Variants in ADH6 observed in about 807,000 individuals in gnomAD.
ADH6 encodes alcohol dehydrogenase 6 (class V).
ADH6 carries 34 observed loss-of-function variants against 36.5 expected under a neutral mutation model. The ratio of observed to expected loss-of-function variants is 0.93; its 90% CI spans 0.71 to 1.24. The LOEUF (loss-of-function observed/expected upper bound fraction) is 1.24. ADH6 is among the 50% of genes most tolerant of loss of function. The pLI, the probability that ADH6 is intolerant of heterozygous loss-of-function variation, is 0.00. For synonymous variants in ADH6, 161 were observed against 155.5 expected, an observed-to-expected ratio of 1.04 and a Z score of -0.26; for missense variants, 440 against 447.0, an observed-to-expected ratio of 0.98 and a Z score of 0.14.
rs1731418778 is a variant in ADH6 at position 99,216,205 on chromosome 4, C to T, written c.76G>A (p.Glu26Lys). The change falls in exon 2 of 9, where the codon GAG becomes AAG. Residue 26 changes from glutamate to lysine, a missense_variant. Physicochemically the swap from Glu to Lys is moderately conservative, Grantham distance 56. Coordinates refer to ENST00000394899, the MANE Select transcript of ADH6 (RefSeq NM_001102470.2). ...GCCTTTGGTGGGGCCACTTCTACCTCTTCAATAGAAAATGGTGCACCAGGC... is the reference window on the plus strand; with the variant it reads ...GCCTTTGGTGGGGCCACTTCTACCTTTTCAATAGAAAATGGTGCACCAGGC... ...WKPGAPFSIE[E>K]VEVAPPKAKE... 2 of 1,553,106 alleles carry T rather than the reference C, an allele frequency of 1.3e-6. No homozygotes were observed. The highest frequency in any genetic ancestry group is 1.5e-5 in the African/African-American group (1 of 67,718).
chr4:99,205,120 G>T, intron 7 of ADH6, 57 bp from the exon 8 acceptor site: 1 of 1,483,774 alleles, frequency 6.7e-7, no homozygotes, highest in Non-Finnish European at 8.9e-7. Flanking sequence ...TAAAGGAAAG[G>T]TCATTCAAAG....
rs1029766434 is a variant in ADH6 at position 99,203,770 on chromosome 4, TAACTTGATTCAGGTTA to T, written c.*433_*448del. 6.5e-6 allele frequency: 1 copy of T among 154,162 alleles called. No homozygotes were observed. Among genetic ancestry groups the T allele is most frequent in the African/African-American group, 2.4e-5 (1 of 41,518 alleles). The allele number at this position is 154,162 out of a possible 1,614,324, so 9.5% of individuals were successfully genotyped here. On this transcript the variant is annotated 3_prime_UTR_variant, in exon 9 of 9. Coordinates refer to ENST00000394899, the MANE Select transcript of ADH6 (RefSeq NM_001102470.2). ...GATAAGTGAGCATTTGAGACTGGGT[TAACTTGATTCAGGTTA>T]ACCTGAATCTTCAATAAACTCATTA...
chr4:99,209,271 A>G (rs1731141724), intron 5 of ADH6, among the ~76,000 whole-genome samples: 1 of 151,822 alleles, frequency 6.6e-6, no homozygotes, highest in African/African-American at 2.4e-5. Context: ...AATTATCTCT[A>G]TCTTCCTACA....
In ADH6 at chr4:99,208,919, C is replaced by T. The variant is rs760434100; in HGVS notation, c.577G>A (p.Gly193Ser). 6.2e-7 allele frequency: 1 copy of T among 1,612,964 alleles called. No individual in the cohort carries two copies. The highest frequency in any genetic ancestry group is 8.5e-7 in the Non-Finnish European group (1 of 1,179,452). Residue 193 changes from glycine to serine, a missense_variant, in exon 6 of 9, where the codon GGT becomes AGT. Transcript: ENST00000394899. ...AAINTAKVTP[G>S]STCAVFGLGG... ...AGGCCAAACACAGCACAGGTAGAAC[C>T]TGGAGTCACCTAAACACATACAGGC...
Position 99,210,305 on chromosome 4 carries a change from T to A in ADH6, c.351-7A>T, listed in dbSNP as rs200474622. The stretch of plus-strand genomic sequence containing the variant: ...CAGTTGGGTTTTTGACTGTCTTTTA[T>A]AGACAAAACAAAAAACAAAACACAA... On this transcript the variant is annotated splice_region_variant and splice_polypyrimidine_tract_variant and intron_variant, in intron 4 of 8. Coordinates refer to ENST00000394899, the MANE Select transcript of ADH6 (RefSeq NM_001102470.2). The A allele has an allele frequency of 1.4e-4, 219 of 1,610,266 alleles. No homozygotes were observed. The highest frequency in any genetic ancestry group is 1.8e-4 in the Non-Finnish European group (213 of 1,177,114).
At chr4:99,211,352 T>A (rs1731220030) in intron 3 of ADH6, among the ~76,000 whole-genome samples, 1 of 152,150 alleles carries the variant, frequency 6.6e-6, no homozygotes, top group South Asian at 2.1e-4. Context: ...CCTAGCTTTT[T>A]TACTTAACAC....
In ADH6 at chr4:99,202,866, AG is replaced by A. The variant is rs1730904919; in HGVS notation, c.*1352del. 2.5e-6 allele frequency: 1 copy of A among 397,432 alleles called. No individual in the cohort carries two copies. Among genetic ancestry groups the A allele is most frequent in the African/African-American group, 2.1e-5 (1 of 48,534 alleles). 24.6% of individuals were successfully genotyped at this position (397,432 alleles called of 1,614,324 possible). ...CTCCAGCTCAGACTTGGGAAGATGGAGAAGAGCCATCCCAAGTCCAGAGTGA... is the reference window on the plus strand; with the variant it reads ...CTCCAGCTCAGACTTGGGAAGATGGAAAGAGCCATCCCAAGTCCAGAGTGA... On this transcript the variant is annotated 3_prime_UTR_variant, in exon 9 of 9. Coordinates refer to ENST00000394899, the MANE Select transcript of ADH6 (RefSeq NM_001102470.2).
intron 2 of ADH6, 76 bp from the exon 3 acceptor site, chr4:99,213,823 T>G: frequency 7.7e-7 from 1 of 1,302,176 alleles, no homozygotes; most frequent in Non-Finnish European, 1.0e-6. Context: ...ACTGTAAGGC[T>G]TTTTGCTAGT....
At chr4:99,208,104 G>A (rs1731101198) in intron 6 of ADH6, among the ~76,000 whole-genome samples, 1 of 152,078 alleles carries the variant, frequency 6.6e-6, no homozygotes, top group South Asian at 2.1e-4. Flanking sequence ...TTTATGCTGG[G>A]AAAAGGGCCC....
chr4:99,204,570 C>A, intron 8 of ADH6: 2 of 1,196,276 alleles, frequency 1.7e-6, no homozygotes, highest in Middle Eastern at 3.3e-4. Flanking sequence ...ACAACAAATA[C>A]AACAATGGCC....
intron 7 of ADH6, among the ~76,000 whole-genome samples, chr4:99,206,410 T>G (rs980861679): frequency 3.9e-5 from 6 of 152,104 alleles, no homozygotes; most frequent in Non-Finnish European, 8.8e-5. Flanking sequence ...GTAATCTTAT[T>G]TTTATAAGAC....
chr4:99,218,690 C>T (rs558759343), intron 1 of ADH6, among the ~76,000 whole-genome samples: 1 of 152,240 alleles, frequency 6.6e-6, no homozygotes, highest in African/African-American at 2.4e-5. Context: ...GTTTTATCTG[C>T]CTGCACACAC....
intron 1 of ADH6, 75 bp downstream of exon 1, chr4:99,219,060 T>G: frequency 8.4e-6 from 12 of 1,429,200 alleles, no homozygotes; most frequent in Non-Finnish European, 1.2e-5. Flanking sequence ...AGCTGGGTGA[T>G]GAGATGTTGG....
intron 1 of ADH6, among the ~76,000 whole-genome samples, chr4:99,218,749 G>A (rs1373934111): frequency 1.3e-5 from 2 of 152,110 alleles, no homozygotes; most frequent in East Asian, 1.9e-4. Flanking sequence ...TTCCCCTTCG[G>A]TATCACCTCT....
At chr4:99,207,950 A>G (rs1731093629) in intron 6 of ADH6, among the ~76,000 whole-genome samples, 1 of 152,154 alleles carries the variant, frequency 6.6e-6, no homozygotes, top group Non-Finnish European at 1.5e-5. Flanking sequence ...TATTTATATA[A>G]TAAGATGATA....
chr4:99,207,840 C>G (rs577192648), intron 6 of ADH6, among the ~76,000 whole-genome samples: 1 of 152,112 alleles, frequency 6.6e-6, no homozygotes, highest in Admixed American at 6.5e-5. Flanking sequence ...AAAACATCCA[C>G]AGTAGTGATA....
chr4:99,213,594 G>A lies in ADH6; in HGVS notation c.262+12C>T, dbSNP rs368368716. On this transcript the variant is annotated intron_variant, in intron 3 of 8. Coordinates refer to ENST00000394899, the MANE Select transcript of ADH6 (RefSeq NM_001102470.2). ...TTGTTGCTGTTTCCTATTACCAGGT[G>A]CTAATTCCTACCTGGTTTCACTGTG... The A allele has an allele frequency of 5.0e-6, 8 of 1,594,654 alleles. No individual in the cohort carries two copies. The highest frequency in any genetic ancestry group is 2.7e-5 in the African/African-American group (2 of 73,932).
rs28720152 is a variant in ADH6 at position 99,210,461 on chromosome 4, A to C, written c.304T>G (p.Cys102Gly). 496 of 1,612,358 alleles carry C rather than the reference A, an allele frequency of 3.1e-4. 3 individuals carry two copies. The East Asian group carries it at 5.9e-3, about 19-fold the overall frequency. Residue 102 changes from cysteine (C) to glycine (G), a missense_variant, in exon 4 of 9, where the codon TGT (cysteine) becomes GGT (glycine). Cys to Gly is a radical substitution (Grantham distance 159, BLOSUM62 -3). Coordinates refer to ENST00000394899, the MANE Select transcript of ADH6 (RefSeq NM_001102470.2). ...ITLFLPQCGECTSCLNSEGNF... is the reference protein window; with the variant it reads ...ITLFLPQCGEGTSCLNSEGNF... ...CCCTCAGAATTCAGGCAAGAGGTAC[A>C]TTCTCCACACTGTGGCAGAAAGAGT...
chr4:99,211,880 A>G (rs1157357056), intron 3 of ADH6, among the ~76,000 whole-genome samples: 1 of 152,164 alleles, frequency 6.6e-6, no homozygotes, highest in Non-Finnish European at 1.5e-5. Flanking sequence ...TCTCAGTCCT[A>G]TAGCCTCAAG....
Sources: allele counts gnomAD v4.1 joint callset (sites outside exome capture counted in the v4.1 genomes callset), GRCh38; gene constraint gnomAD v4.1.1; transcripts MANE v1.5; gene names NCBI Gene and HGNC (gene_info 2026-07-23, HGNC 2026-07-21).